Variants in NSMCE2 observed in about 807,000 individuals in gnomAD.
NSMCE2 encodes the protein NSE2 SUMO ligase component of SMC5/6 complex, also known as E3 SUMO-protein ligase NSE2.
In NSMCE2, 24 loss-of-function variants were observed where a neutral mutation model predicts 23.8. That is an observed-to-expected ratio of 1.01 (90% CI 0.73 to 1.42). NSMCE2 has a LOEUF of 1.42. Among genes scored for constraint, NSMCE2 ranks in the 40% most tolerant of loss-of-function variants. The probability of loss-of-function intolerance (pLI) is 0.00; values close to 1 mark genes in which losing one functional copy is unlikely to be tolerated. For synonymous variants in NSMCE2, 92 were observed against 94.1 expected (o/e 0.98, Z 0.13); for missense variants, 284 against 296.5 (o/e 0.96, Z 0.31).
At chr8:125,328,909 C>T (rs78258496) in intron 5 of NSMCE2, among the ~76,000 whole-genome samples, 17,639 of 152,088 alleles carry the variant, frequency 0.12, 1,058 homozygotes, top group Non-Finnish European at 0.13. Context: ...CAGTGAGACC[C>T]GAAGTCAGAA....
intron 4 of NSMCE2, among the ~76,000 whole-genome samples, chr8:125,176,198 T>C (rs932602244): frequency 6.6e-6 from 1 of 152,210 alleles, no homozygotes; most frequent in African/African-American, 2.4e-5. Context: ...AGCAATTTAT[T>C]AAACAAAGAC....
chr8:125,129,541 G>T (rs1586477812), intron 3 of NSMCE2, among the ~76,000 whole-genome samples: 1 of 116,998 alleles, frequency 8.5e-6, no homozygotes, highest in African/African-American at 3.8e-5. Flanking sequence ...AAAAGATTTG[G>T]CTCTGTGTGT....
intron 5 of NSMCE2, among the ~76,000 whole-genome samples, chr8:125,274,165 G>A (rs1000377846): frequency 1.8e-4 from 27 of 152,094 alleles, no homozygotes; most frequent in Admixed American, 1.2e-3. Flanking sequence ...AGCTTAACCC[G>A]TACTGCTTGG....
At chr8:125,156,288 G>A (rs1821305173) in intron 4 of NSMCE2, 1 of 163,504 alleles carries the variant, frequency 6.1e-6, no homozygotes, top group African/African-American at 2.4e-5. Flanking sequence ...AAAAAAAAAA[G>A]AATTTTCAGA....
chr8:125,362,323 G>A (rs1426409734), intron 7 of NSMCE2, among the ~76,000 whole-genome samples: 1 of 152,176 alleles, frequency 6.6e-6, no homozygotes. Context: ...TATTGGAGAC[G>A]AAGGAGAAAC....
intron 5 of NSMCE2, among the ~76,000 whole-genome samples, chr8:125,352,813 T>C (rs1295715479): frequency 1.3e-5 from 2 of 152,240 alleles, no homozygotes; most frequent in Admixed American, 1.3e-4. Context: ...GATGTGACCT[T>C]TTGTTAGCAC....
intron 5 of NSMCE2, among the ~76,000 whole-genome samples, chr8:125,237,979 G>A (rs904646948): frequency 3.9e-5 from 6 of 152,230 alleles, no homozygotes; most frequent in Middle Eastern, 3.4e-3. Context: ...TTATCTGATT[G>A]ATTTTGCAAA....
chr8:125,357,355 G>A (rs79536300), intron 6 of NSMCE2, 36 bp downstream of exon 6: 37 of 1,330,734 alleles, frequency 2.8e-5, no homozygotes, highest in South Asian at 1.2e-5. Context: ...AAAGAAACAC[G>A]ATTCACTTCA....
intron 5 of NSMCE2, among the ~76,000 whole-genome samples, chr8:125,323,369 AAGTT>A (rs1321363354): frequency 1.3e-5 from 2 of 152,158 alleles, no homozygotes; most frequent in African/African-American, 4.8e-5. Flanking sequence ...AAAAAGGACA[AAGTT>A]AGAGAACTTA....
chr8:125,229,626 C>G (rs1264702245), intron 5 of NSMCE2, among the ~76,000 whole-genome samples: 1 of 152,068 alleles, frequency 6.6e-6, no homozygotes, highest in Non-Finnish European at 1.5e-5. Flanking sequence ...AAAATGACAC[C>G]AAGCTTATGT....
intron 7 of NSMCE2, among the ~76,000 whole-genome samples, chr8:125,359,266 C>CAA (rs35823474): frequency 2.1e-5 from 2 of 95,366 alleles, no homozygotes; most frequent in Non-Finnish European, 2.2e-5. Context: ...ACTCTGTCTC[C>CAA]AAAAAAAAAA....
At chr8:125,325,633 C>T (rs1454106517) in intron 5 of NSMCE2, among the ~76,000 whole-genome samples, 2 of 152,168 alleles carry the variant, frequency 1.3e-5, no homozygotes, top group Non-Finnish European at 2.9e-5. Context: ...AGGTGTGAGC[C>T]ACTGTGCCTG....
intron 3 of NSMCE2, among the ~76,000 whole-genome samples, chr8:125,112,233 A>C (rs2130435606): frequency 1.3e-5 from 2 of 152,382 alleles, no homozygotes; most frequent in South Asian, 4.1e-4. Context: ...TATAGTACTA[A>C]AAGTAAAAGG....
chr8:125,269,802 A>G (rs1288738003), intron 5 of NSMCE2, among the ~76,000 whole-genome samples: 1 of 152,240 alleles, frequency 6.6e-6, no homozygotes, highest in East Asian at 1.9e-4. Flanking sequence ...ATAGTTAACA[A>G]CATCTATCAA....
chr8:125,316,732 T>TCCTTCC (rs1554637204), intron 5 of NSMCE2, among the ~76,000 whole-genome samples: 2 of 102,438 alleles, frequency 2.0e-5, no homozygotes, highest in East Asian at 5.1e-4. Context: ...CTTTCCTTCT[T>TCCTTCC]TTCCTTCCTT....
At chr8:125,158,947 T>A (rs1284858517) in intron 4 of NSMCE2, among the ~76,000 whole-genome samples, 2 of 152,216 alleles carry the variant, frequency 1.3e-5, no homozygotes, top group Non-Finnish European at 2.9e-5. Flanking sequence ...ACAGTTTCAC[T>A]TTCCACTGTT....
chr8:125,144,154 G>A (rs942711371), intron 3 of NSMCE2, among the ~76,000 whole-genome samples: 58 of 152,102 alleles, frequency 3.8e-4, no homozygotes, highest in African/African-American at 1.3e-3. Context: ...ATGTACTACC[G>A]GACCTGTTTC....
intron 5 of NSMCE2, among the ~76,000 whole-genome samples, chr8:125,354,403 C>T (rs2131360243): frequency 6.6e-6 from 1 of 152,258 alleles, no homozygotes; most frequent in Admixed American, 6.5e-5. Flanking sequence ...ATATTACTTC[C>T]AAATTATGTA....
At position 125,134,904 on chromosome 8, in the gene NSMCE2, A is replaced by C. The variant is rs569319873; in HGVS notation, c.158-16267A>C. Among the ~76,000 whole-genome samples the C allele has an allele frequency of 2.7e-4, 41 of 151,208 alleles. No homozygotes were observed. The South Asian group carries it at 3.6e-3, about 13-fold the overall frequency. On this transcript the variant is annotated intron_variant, in intron 3 of 7. Coordinates refer to ENST00000287437, the MANE Select transcript of NSMCE2 (RefSeq NM_173685.4). ...CACCATACCCAGCTAATGAAAAATA[A>C]ATTTTGTTTTGTTTTGTTTTTGAGA...
Sources: allele counts gnomAD v4.1 joint callset (sites outside exome capture counted in the v4.1 genomes callset), GRCh38; gene constraint gnomAD v4.1.1; transcripts MANE v1.5; gene names NCBI Gene and HGNC (gene_info 2026-07-23, HGNC 2026-07-21).